The following KLRF1 variants were observed in gnomAD, a reference collection of about 807,000 sequenced individuals.
KLRF1 encodes killer cell lectin like receptor F1, also known as killer cell lectin-like receptor subfamily F member 1.
KLRF1 carries 27 observed loss-of-function variants against 30.7 expected under a neutral mutation model. The observed-to-expected ratio is 0.88, with a 90% CI of 0.65 to 1.21. The LOEUF is 1.21. Ranked by LOEUF, KLRF1 falls within the 50% of genes most tolerant of loss-of-function variation. The probability of loss-of-function intolerance (pLI) is 0.00; values close to 1 mark genes in which losing one functional copy is unlikely to be tolerated. For missense variants in KLRF1, 246 were observed against 259.3 expected, an observed-to-expected ratio of 0.95 and a Z score of 0.35; for synonymous variants, 92 against 89.3, an observed-to-expected ratio of 1.03 and a Z score of -0.17.
chr12:9,830,845 G>C (rs1037537345), intron 1 of KLRF1, among the ~76,000 whole-genome samples: 1 of 151,882 alleles, frequency 6.6e-6, no homozygotes, highest in East Asian at 1.9e-4. Context: ...TGGTTAAAAG[G>C]CTTGTGTTTT....
chr12:9,826,940 G>C (rs995048140), upstream of KLRF1, among the ~76,000 whole-genome samples: 1 of 151,936 alleles, frequency 6.6e-6, no homozygotes, highest in African/African-American at 2.4e-5. Context: ...GAATACCTGG[G>C]TGATGAAATA....
chr12:9,801,881 T>C, the KLRF1 span, among the ~76,000 whole-genome samples: 1 of 152,146 alleles, frequency 6.6e-6, no homozygotes, highest in African/African-American at 2.4e-5. Context: ...TTTTGGCTTT[T>C]GTTGCAATTG....
Position 9,830,726 on chromosome 12 carries a change from C to G in KLRF1, c.86-1590C>G, listed in dbSNP as rs148028106. On this transcript the variant is annotated intron_variant, in intron 1 of 5. Coordinates refer to ENST00000617889, the MANE Select transcript of KLRF1 (RefSeq NM_016523.3). ...ATAATCTTTATATTCCTAGAATAAA[C>G]CAATCATGGTTATAATATATTTTGG... is the stretch of plus-strand genomic sequence containing the variant. 4.8e-3 allele frequency among the ~76,000 whole-genome samples: 721 copies of G among 151,770 alleles called. 3 individuals carry two copies. Among genetic ancestry groups the G allele is most frequent in the African/African-American group, 0.016 (658 of 41,428 alleles).
upstream of KLRF1, among the ~76,000 whole-genome samples, chr12:9,826,596 A>T (rs1867287671): frequency 6.6e-6 from 1 of 152,200 alleles, no homozygotes; most frequent in South Asian, 2.1e-4. Context: ...CACTGTTGAC[A>T]ATAGCAAAGA....
upstream of KLRF1, among the ~76,000 whole-genome samples, chr12:9,824,535 G>A (rs1423312069): frequency 1.3e-5 from 2 of 152,112 alleles, no homozygotes; most frequent in African/African-American, 4.8e-5. Flanking sequence ...AAAGCTGGAA[G>A]CATTCCCCTT....
chr12:9,828,461 G>A (rs1376660134), intron 1 of KLRF1, among the ~76,000 whole-genome samples: 1 of 152,188 alleles, frequency 6.6e-6, no homozygotes, highest in Non-Finnish European at 1.5e-5. Context: ...TTATACACCA[G>A]CAATCAACAT....
the KLRF1 span, among the ~76,000 whole-genome samples, chr12:9,805,329 T>C: frequency 6.6e-5 from 10 of 151,904 alleles, no homozygotes; most frequent in Non-Finnish European, 1.2e-4. Flanking sequence ...TGTGTGTCCC[T>C]TCTGTCTCAC....
chr12:9,833,926 T>TTTTTTTA (rs1867509363), intron 3 of KLRF1, among the ~76,000 whole-genome samples: 1 of 145,772 alleles, frequency 6.9e-6, no homozygotes, highest in African/African-American at 2.5e-5. Flanking sequence ...TTTTTTTTTT[T>TTTTTTTA]GAGCAACAAG....
chr12:9,838,071 A>T (rs1199002128), intron 3 of KLRF1, among the ~76,000 whole-genome samples: 1 of 152,180 alleles, frequency 6.6e-6, no homozygotes, highest in African/African-American at 2.4e-5. Context: ...TACTAGGGTT[A>T]CATGACAACA....
chr12:9,816,166 G>A, the KLRF1 span, among the ~76,000 whole-genome samples: 10 of 152,270 alleles, frequency 6.6e-5, no homozygotes, highest in Non-Finnish European at 8.8e-5. Flanking sequence ...GGAGCCCAAC[G>A]TGCAACAAGG....
At chr12:9,810,891 A>T in the KLRF1 span, among the ~76,000 whole-genome samples, 1 of 152,192 alleles carries the variant, frequency 6.6e-6, no homozygotes, top group Non-Finnish European at 1.5e-5. Flanking sequence ...GGATTCTGTC[A>T]TATATTGGCA....
At position 9,843,309 on chromosome 12, in the gene KLRF1, A is replaced by G. The variant is rs775786708; in HGVS notation, c.587+876A>G. On this transcript the variant is annotated intron_variant, in intron 5 of 5. Transcript: ENST00000617889. The stretch of plus-strand genomic sequence containing the variant: ...GTTTTGATCTTAGCCCTGTAGGGCA[A>G]TCTTGGGCTTCTGATACTCATAGGT... Among the ~76,000 whole-genome samples the G allele has an allele frequency of 4.6e-5, 7 of 152,316 alleles. No individual in the cohort carries two copies. The South Asian group carries it at 6.2e-4, about 14-fold the overall frequency.
chr12:9,826,692 A>AG (rs202109837), upstream of KLRF1, among the ~76,000 whole-genome samples: 1,719 of 148,292 alleles, frequency 0.012, 32 homozygotes, highest in African/African-American at 0.043. Context: ...ATGCAGCTAT[A>AG]AAAAAGAATG....
the KLRF1 span, among the ~76,000 whole-genome samples, chr12:9,806,566 T>G: frequency 6.6e-6 from 1 of 152,162 alleles, no homozygotes; most frequent in South Asian, 2.1e-4. Context: ...TAATCCAGTT[T>G]GACAATCTGA....
chr12:9,840,652 A>G (rs11053414), intron 3 of KLRF1, among the ~76,000 whole-genome samples: 20,480 of 152,092 alleles, frequency 0.13, 2,047 homozygotes, highest in African/African-American at 0.27. Flanking sequence ...AGAGGGAGAA[A>G]GGGATACACA....
upstream of KLRF1, among the ~76,000 whole-genome samples, chr12:9,826,452 C>A (rs1867284931): frequency 6.6e-6 from 1 of 152,134 alleles, no homozygotes; most frequent in Non-Finnish European, 1.5e-5. Context: ...TTAGTTCAAC[C>A]ATTATGAAAG....
chr12:9,809,298 A>AG, the KLRF1 span, among the ~76,000 whole-genome samples: 1 of 152,176 alleles, frequency 6.6e-6, no homozygotes, highest in Non-Finnish European at 1.5e-5. Flanking sequence ...ATATCTAAAA[A>AG]GAAAGGGTGG....
chr12:9,800,582 G>A, the KLRF1 span, among the ~76,000 whole-genome samples: 1,069 of 151,934 alleles, frequency 7.0e-3, 9 homozygotes, highest in Non-Finnish European at 0.012. Flanking sequence ...TTCTGTAATA[G>A]CATGTTTTAA....
chr12:9,819,799 A>G, the KLRF1 span, among the ~76,000 whole-genome samples: 4 of 152,144 alleles, frequency 2.6e-5, no homozygotes, highest in South Asian at 4.1e-4. Flanking sequence ...AAGTGGCCAG[A>G]TTGCCTTTCC....
Sources: allele counts gnomAD v4.1 joint callset (sites outside exome capture counted in the v4.1 genomes callset), GRCh38; gene constraint gnomAD v4.1.1; transcripts MANE v1.5; gene names NCBI Gene and HGNC (gene_info 2026-07-23, HGNC 2026-07-21).